CSMD2: variants seen among roughly 807,000 people sequenced by gnomAD.
CSMD2 encodes the protein CUB and Sushi multiple domains 2, also known as CUB and sushi domain-containing protein 2.
In CSMD2, 130 loss-of-function variants were observed where a neutral mutation model predicts 398.5. The ratio of observed to expected loss-of-function variants is 0.33; its 90% CI spans 0.28 to 0.38. The LOEUF is 0.38. CSMD2 is among the 10% of genes least tolerant of loss of function. The probability of loss-of-function intolerance (pLI) is 1.00; values close to 1 mark genes in which losing one functional copy is unlikely to be tolerated. For synonymous variants in CSMD2, 1,828 were observed against 1,908.5 expected, an observed-to-expected ratio of 0.96 and a Z score of 1.10; for missense variants, 3,829 against 4,764.9, an observed-to-expected ratio of 0.80 and a Z score of 5.78.
At chr1:33,956,639 A>C (rs1340190941) in intron 3 of CSMD2, among the ~76,000 whole-genome samples, 1 of 151,790 alleles carries the variant, frequency 6.6e-6, no homozygotes, top group East Asian at 1.9e-4. Flanking sequence ...CCACCCCCAC[A>C]CCCACACCAT....
chr1:33,543,304 C>T (rs914918627), intron 57 of CSMD2, among the ~76,000 whole-genome samples: 2 of 152,172 alleles, frequency 1.3e-5, no homozygotes, highest in African/African-American at 4.8e-5. Context: ...AGACTTTGAA[C>T]CCAGAGATGA....
intron 6 of CSMD2, among the ~76,000 whole-genome samples, chr1:33,835,864 G>A (rs778113426): frequency 4.6e-5 from 7 of 151,986 alleles, no homozygotes; most frequent in South Asian, 4.1e-4. Context: ...CTCTTAACTC[G>A]TCAAAGTCAT....
intron 2 of CSMD2, among the ~76,000 whole-genome samples, chr1:34,065,626 C>G (rs190357372): frequency 2.6e-4 from 39 of 152,238 alleles, no homozygotes; most frequent in Admixed American, 2.6e-3. Context: ...CCTCAATTTT[C>G]TTATCTGTGC....
intron 3 of CSMD2, among the ~76,000 whole-genome samples, chr1:33,963,891 G>C (rs115677613): frequency 0.01 from 1,539 of 152,262 alleles, 25 homozygotes; most frequent in African/African-American, 0.036. Flanking sequence ...TCTTTGTGTG[G>C]ACATATGTGT....
chr1:33,601,891 T>C (rs1557602876), intron 43 of CSMD2, among the ~76,000 whole-genome samples: 1 of 152,218 alleles, frequency 6.6e-6, no homozygotes, highest in Non-Finnish European at 1.5e-5. Flanking sequence ...GCTACCATAT[T>C]GGGCAGCATA....
intron 3 of CSMD2, among the ~76,000 whole-genome samples, chr1:33,955,258 C>T (rs1013601996): frequency 1.3e-5 from 2 of 152,196 alleles, no homozygotes; most frequent in African/African-American, 4.8e-5. Flanking sequence ...CCACGAGGCG[C>T]CGCCTGAGTG....
At chr1:33,774,061 A>G (rs966948002) in intron 12 of CSMD2, among the ~76,000 whole-genome samples, 1 of 151,774 alleles carries the variant, frequency 6.6e-6, no homozygotes, top group African/African-American at 2.4e-5. Context: ...GAAGGCTGCC[A>G]GCTTTGTGCT....
chr1:33,577,172 G>T, intron 49 of CSMD2, 124 bp downstream of exon 49: 1 of 918,238 alleles, frequency 1.1e-6, no homozygotes, highest in Non-Finnish European at 1.6e-6. Context: ...GTAAATGCTT[G>T]TGGAAAGAAT....
At chr1:34,020,377 A>T (rs1025594865) in intron 3 of CSMD2, among the ~76,000 whole-genome samples, 2 of 152,238 alleles carry the variant, frequency 1.3e-5, no homozygotes, top group Non-Finnish European at 2.9e-5. Context: ...TTGAGGGATA[A>T]CAGGAAGCGG....
At chr1:33,735,537 A>G (rs545547479) in intron 15 of CSMD2, among the ~76,000 whole-genome samples, 3 of 152,252 alleles carry the variant, frequency 2.0e-5, no homozygotes, top group Admixed American at 6.5e-5. Context: ...AATCTAGCCC[A>G]TTCACTTCCG....
chr1:34,004,092 A>T (rs1363527488), intron 3 of CSMD2, among the ~76,000 whole-genome samples: 1 of 152,216 alleles, frequency 6.6e-6, no homozygotes, highest in African/African-American at 2.4e-5. Flanking sequence ...GAGTACAGCC[A>T]AAAACACTTC....
At chr1:34,090,485 C>T (rs1238697241) in intron 1 of CSMD2, among the ~76,000 whole-genome samples, 1 of 152,182 alleles carries the variant, frequency 6.6e-6, no homozygotes, top group East Asian at 1.9e-4. Context: ...GGGCCAGGCC[C>T]ATCACCCCTT....
chr1:33,948,165 C>A (rs1487269629), intron 3 of CSMD2, among the ~76,000 whole-genome samples: 1 of 152,192 alleles, frequency 6.6e-6, no homozygotes, highest in Non-Finnish European at 1.5e-5. Flanking sequence ...GAAAGGAGAG[C>A]CCCTGCCTCA....
At chr1:33,693,437 A>G (rs1334572823) in intron 24 of CSMD2, among the ~76,000 whole-genome samples, 1 of 152,228 alleles carries the variant, frequency 6.6e-6, no homozygotes, top group Non-Finnish European at 1.5e-5. Context: ...ATAGTCAAAA[A>G]GACTATACAA....
intron 43 of CSMD2, 51 bp downstream of exon 43, chr1:33,602,318 A>C: frequency 2.5e-6 from 4 of 1,591,154 alleles, no homozygotes; most frequent in Non-Finnish European, 3.4e-6. Context: ...CCAGTGTAGA[A>C]CCCCAGTAAT....
intron 11 of CSMD2, 89 bp from the exon 12 acceptor site, chr1:33,788,801 C>A (rs1428001977): frequency 2.2e-6 from 2 of 897,636 alleles, no homozygotes; most frequent in East Asian, 2.5e-5. Flanking sequence ...AAAGGACTAT[C>A]CAGGATCCAG....
intron 2 of CSMD2, among the ~76,000 whole-genome samples, chr1:34,052,835 A>T (rs1294783159): frequency 6.6e-6 from 1 of 152,132 alleles, no homozygotes; most frequent in Non-Finnish European, 1.5e-5. Context: ...GAATTAGGTC[A>T]TTGGCAGCAA....
At position 34,072,544 on chromosome 1, in the gene CSMD2, T is replaced by C. The variant is rs77485990; in HGVS notation, c.404+16433A>G. On this transcript the variant is annotated intron_variant, in intron 2 of 70. Coordinates refer to ENST00000373381, the MANE Select transcript of CSMD2 (RefSeq NM_001281956.2). Reference sequence around the variant, plus strand: ...AGGGGAATGTTGCGTCTTTGACCAATATCTCATGATACTGCAGGCAGGACC... The same window carrying C: ...AGGGGAATGTTGCGTCTTTGACCAACATCTCATGATACTGCAGGCAGGACC... 8.4e-3 allele frequency among the ~76,000 whole-genome samples: 1,279 copies of C among 152,300 alleles called. 10 individuals are homozygous for C. The highest frequency in any genetic ancestry group is 0.014 in the Non-Finnish European group (943 of 68,020).
At chr1:33,579,191 C>T (rs1040642919) in intron 48 of CSMD2, among the ~76,000 whole-genome samples, 7 of 152,204 alleles carry the variant, frequency 4.6e-5, no homozygotes, top group Non-Finnish European at 1.0e-4. Context: ...AATTTAGCAA[C>T]CAGCATAGTG....
Sources: gnomAD v4.1 joint callset for allele counts (sites outside exome capture counted in the v4.1 genomes callset) on GRCh38, gnomAD v4.1.1 for gene constraint, MANE v1.5 for transcripts, NCBI Gene and HGNC (gene_info 2026-07-23, HGNC 2026-07-21) for gene names.